LRBA: variants seen among roughly 807,000 people sequenced by gnomAD.
LRBA encodes the protein LPS responsive beige-like anchor protein.
A neutral mutation model predicts 330.0 loss-of-function variants in LRBA; 176 were observed. The observed-to-expected ratio is 0.53, with a 90% CI of 0.47 to 0.60. The LOEUF is 0.60. Ranked by LOEUF, LRBA falls within the 20% of genes least tolerant of loss-of-function variation. LRBA has a pLI of 0.00. For missense variants in LRBA, 3,259 were observed against 3,444.8 expected (o/e 0.95, Z 1.35); for synonymous variants, 1,230 against 1,193.0 (o/e 1.03, Z -0.64).
chr4:150,749,121 G>T (rs1186579131), intron 35 of LRBA, among the ~76,000 whole-genome samples: 1 of 151,842 alleles, frequency 6.6e-6, no homozygotes, highest in African/African-American at 2.4e-5. Flanking sequence ...CCTCAAAATG[G>T]ATCAAAGACC....
intron 36 of LRBA, among the ~76,000 whole-genome samples, chr4:150,692,952 C>A (rs1000892577): frequency 6.6e-6 from 1 of 152,066 alleles, no homozygotes; most frequent in Non-Finnish European, 1.5e-5. Context: ...CAAGGATGTA[C>A]GCCAGACATA....
At chr4:150,430,490 G>A (rs1181991486) in intron 46 of LRBA, among the ~76,000 whole-genome samples, 1 of 152,040 alleles carries the variant, frequency 6.6e-6, no homozygotes, top group East Asian at 1.9e-4. Flanking sequence ...TGAGCCCAAG[G>A]GGCATGAGCC....
chr4:150,605,773 T>C (rs961812113), intron 37 of LRBA, among the ~76,000 whole-genome samples: 18 of 152,278 alleles, frequency 1.2e-4, no homozygotes, highest in Non-Finnish European at 8.8e-5. Flanking sequence ...CTGAAATCTA[T>C]GGTGCCTTCA....
intron 44 of LRBA, among the ~76,000 whole-genome samples, chr4:150,452,940 A>G (rs1197362960): frequency 6.6e-6 from 1 of 152,206 alleles, no homozygotes; most frequent in Non-Finnish European, 1.5e-5. Flanking sequence ...CTGGAATTAA[A>G]CGTTTTATAA....
chr4:150,916,280 T>C, intron 7 of LRBA, 121 bp downstream of exon 7: 3 of 965,774 alleles, frequency 3.1e-6, no homozygotes, highest in East Asian at 2.6e-5. Flanking sequence ...CGCTTCATCT[T>C]TTTAAACAGT....
At chr4:150,492,514 T>C (rs1219574860) in intron 40 of LRBA, among the ~76,000 whole-genome samples, 1 of 152,166 alleles carries the variant, frequency 6.6e-6, no homozygotes, top group Non-Finnish European at 1.5e-5. Flanking sequence ...TGACCAGAGA[T>C]ACCACCAGTT....
At chr4:150,785,244 T>C (rs553081467) in intron 34 of LRBA, among the ~76,000 whole-genome samples, 41 of 152,206 alleles carry the variant, frequency 2.7e-4, no homozygotes, top group African/African-American at 9.1e-4. Context: ...ACAGAACTGG[T>C]TGGCAAGTTC....
intron 34 of LRBA, among the ~76,000 whole-genome samples, chr4:150,768,081 A>AAG (rs1736027569): frequency 6.2e-5 from 4 of 64,192 alleles, no homozygotes; most frequent in Middle Eastern, 0.012. Flanking sequence ...AAAAAAAAAA[A>AAG]AAGTTTTTTT....
intron 40 of LRBA, among the ~76,000 whole-genome samples, chr4:150,545,170 CTT>C (rs1765721676): frequency 1.3e-5 from 2 of 152,120 alleles, no homozygotes; most frequent in Non-Finnish European, 2.9e-5. Flanking sequence ...GAATTAACAT[CTT>C]TGTTATTAAT....
rs767500390 is a variant in LRBA at position 150,852,616 on chromosome 4, C to T, written c.3094G>A (p.Gly1032Ser). The change falls in exon 23 of 57, where the codon GGC becomes AGC. Residue 1032 changes from glycine (G) to serine (S), a missense_variant. By Grantham distance (56) the Gly-to-Ser change is moderately conservative. Transcript: ENST00000651943. ...TTTGTCAGTGTTTCTTCCAAAGTGC[C>T]TTCATCTGGTAACTCCTGATTTTCT... ...EQENQELPDEGTLEETLTNET... is the reference protein window; with the variant it reads ...EQENQELPDESTLEETLTNET... 2 of 1,614,042 alleles carry T rather than the reference C, an allele frequency of 1.2e-6. No individual in the cohort carries two copies. Among genetic ancestry groups the T allele is most frequent in the South Asian group, 2.2e-5 (2 of 91,084 alleles).
rs539701300 is a variant in LRBA, at chr4:150,911,450, T to C, written c.1162-2593A>G. Among the ~76,000 whole-genome samples, 128 of 152,214 alleles carry C rather than the reference T, an allele frequency of 8.4e-4. 1 individual carries two copies. The highest frequency in any genetic ancestry group is 8.5e-4 in the Non-Finnish European group (58 of 68,028). On this transcript the variant is annotated intron_variant, in intron 9 of 56. Transcript: ENST00000651943. Reference sequence around the variant, plus strand: ...AAATCCTTTTCTGTATCAGTTGATATATGATCATATGGATTTTGTAATTCA... The same window carrying C: ...AAATCCTTTTCTGTATCAGTTGATACATGATCATATGGATTTTGTAATTCA...
intron 17 of LRBA, among the ~76,000 whole-genome samples, chr4:150,892,039 C>T (rs1729526407): frequency 6.6e-6 from 1 of 152,080 alleles, no homozygotes; most frequent in South Asian, 2.1e-4. Context: ...CTGCAGTGAC[C>T]CGTGATCATA....
At chr4:150,413,768 A>G (rs1747345711) in intron 47 of LRBA, among the ~76,000 whole-genome samples, 1 of 152,182 alleles carries the variant, frequency 6.6e-6, no homozygotes, top group Admixed American at 6.5e-5. Context: ...ATTTTATTAT[A>G]TATAGATTGT....
At position 150,583,307 on chromosome 4, in the gene LRBA, C is replaced by T. The variant is rs752541709; in HGVS notation, c.6330+4741G>A. The stretch of plus-strand genomic sequence containing the variant: ...GTCTTCAACTTCGTGGACGACGGCT[C>T]GCTGCCCGGCTGCGCAGTGCTCAAA... On this transcript the variant is annotated intron_variant, in intron 40 of 56. Transcript: ENST00000651943. The surrounding 1 kb of genome is among the most constrained non-coding windows in gnomAD (Gnocchi z 9.8). 1.2e-6 allele frequency: 2 copies of T among 1,614,202 alleles called. No individual in the cohort carries two copies.
chr4:150,840,777 C>T lies in LRBA; in HGVS notation c.4569+3323G>A, dbSNP rs567456395. The T allele has an allele frequency of 2.7e-5, 9 of 328,392 alleles. No individual in the cohort carries two copies. In the South Asian group the frequency reaches 4.4e-4, roughly 16 times the overall value. The allele number at this position is 328,392 out of a possible 1,614,324, so 20.3% of individuals were successfully genotyped here. A position where few individuals can be genotyped will look rare whatever the true frequency, so the allele number is the denominator to read the frequency against. ...GATAGACTAGTTCAACACAGAGTTG[C>T]CAAAAACCATCAATTTGTAAAAAAT... On this transcript the variant is annotated intron_variant, in intron 28 of 56. Coordinates refer to ENST00000651943, the MANE Select transcript of LRBA (RefSeq NM_001364905.1).
At chr4:150,603,569 C>CT (rs1478084722) in intron 37 of LRBA, among the ~76,000 whole-genome samples, 1 of 152,158 alleles carries the variant, frequency 6.6e-6, no homozygotes, top group Non-Finnish European at 1.5e-5. Context: ...ACAAAGCTCA[C>CT]TGCAGCCTCT....
Position 150,460,040 on chromosome 4 carries a change from T to TC in LRBA, c.6780+7632dup, listed in dbSNP as rs541449886. On this transcript the variant is annotated intron_variant, in intron 44 of 56. Coordinates refer to ENST00000651943, the MANE Select transcript of LRBA (RefSeq NM_001364905.1). ...AACACCTAACAAGTTTAAACAATAT[T>TC]CCCCCCACCCCCAAGAGTGTTCTTT... Among the ~76,000 whole-genome samples the TC allele has an allele frequency of 7.6e-3, 1,155 of 151,642 alleles. 4 individuals carry two copies. The highest frequency in any genetic ancestry group is 0.013 in the Non-Finnish European group (852 of 67,768).
At chr4:150,887,512 G>A (rs561393350) in intron 17 of LRBA, among the ~76,000 whole-genome samples, 12 of 152,166 alleles carry the variant, frequency 7.9e-5, no homozygotes, top group African/African-American at 2.4e-4. Flanking sequence ...GGTGGCTCAC[G>A]TCTGTAATCC....
At chr4:150,388,022 T>A (rs570754789) in intron 47 of LRBA, among the ~76,000 whole-genome samples, 1 of 152,316 alleles carries the variant, frequency 6.6e-6, no homozygotes, top group South Asian at 2.1e-4. Context: ...GGCTTAAACA[T>A]GAGAAATCTA....
Sources: allele counts gnomAD v4.1 joint callset (sites outside exome capture counted in the v4.1 genomes callset), GRCh38; gene constraint gnomAD v4.1.1; non-coding constraint Gnocchi (gnomAD v3.1); transcripts MANE v1.5; gene names NCBI Gene and HGNC (gene_info 2026-07-23, HGNC 2026-07-21).